The following C6orf58 variants were observed in gnomAD, a reference collection of about 807,000 sequenced individuals.
The protein encoded by C6orf58 is protein LEG1 homolog.
Under a neutral mutation model 37.0 loss-of-function variants are expected in C6orf58, and 30 were observed. The ratio of observed to expected loss-of-function variants is 0.81; its 90% CI spans 0.61 to 1.10. The LOEUF is 1.10. Ranked by LOEUF, C6orf58 falls within the 50% of genes least tolerant of loss-of-function variation. The pLI, the probability that C6orf58 is intolerant of heterozygous loss-of-function variation, is 0.00. For synonymous variants in C6orf58, 143 were observed against 134.1 expected (o/e 1.07, Z -0.46); for missense variants, 368 against 387.5 (o/e 0.95, Z 0.42).
In C6orf58 at chr6:127,591,646, A is replaced by G. The variant is rs984383950; in HGVS notation, c.*24A>G. ...GAAACATTTAACTTCAAACTTCAGGAAATGATTAATGAATTAAAAATGAAA... is the reference window on the plus strand; with the variant it reads ...GAAACATTTAACTTCAAACTTCAGGGAATGATTAATGAATTAAAAATGAAA... On this transcript the variant is annotated 3_prime_UTR_variant, in exon 6 of 6. Transcript: ENST00000329722. 3.4e-6 allele frequency: 5 copies of G among 1,477,682 alleles called. No individual in the cohort carries two copies. The highest frequency in any genetic ancestry group is 4.5e-6 in the Non-Finnish European group (5 of 1,117,080). The allele number at this position is 1,477,682 out of a possible 1,614,324, so 91.5% of individuals were successfully genotyped here.
Position 127,585,996 on chromosome 6 carries a change from A to G in C6orf58, c.675-4091A>G, listed in dbSNP as rs62437085. On this transcript the variant is annotated intron_variant, in intron 4 of 5. Coordinates refer to ENST00000329722, the MANE Select transcript of C6orf58 (RefSeq NM_001010905.3). ...GCACATTTTACCTGTCTACTTGCAT[A>G]TAGCTTTGTTTTCCTTATTTCTAGT... 6.3e-3 allele frequency among the ~76,000 whole-genome samples: 962 copies of G among 152,330 alleles called. 5 individuals carry two copies. Among genetic ancestry groups the G allele is most frequent in the Admixed American group, 0.01 (155 of 15,300 alleles).
chr6:127,582,588 C>G (rs768048438), intron 4 of C6orf58, among the ~76,000 whole-genome samples: 88 of 152,206 alleles, frequency 5.8e-4, no homozygotes, highest in South Asian at 4.1e-4. Flanking sequence ...GTAGCCTTTG[C>G]AGTAGAGTCA....
At chr6:127,589,128 G>A (rs976249390) in intron 4 of C6orf58, among the ~76,000 whole-genome samples, 11 of 151,996 alleles carry the variant, frequency 7.2e-5, no homozygotes, top group African/African-American at 2.2e-4. Context: ...TCAGATAATC[G>A]AATTTCTAGA....
intron 4 of C6orf58, among the ~76,000 whole-genome samples, chr6:127,585,694 T>A (rs1775099764): frequency 6.6e-6 from 1 of 152,232 alleles, no homozygotes; most frequent in African/African-American, 2.4e-5. Context: ...ATTCTAGTTT[T>A]GCATCAGTGT....
At chr6:127,579,705 T>C (rs998128579) in intron 2 of C6orf58, among the ~76,000 whole-genome samples, 9 of 152,128 alleles carry the variant, frequency 5.9e-5, no homozygotes, top group Admixed American at 2.0e-4. Flanking sequence ...AAAATAGTCA[T>C]GTTTGATTGT....
intron 3 of C6orf58, among the ~76,000 whole-genome samples, 161 bp from the exon 4 acceptor site, chr6:127,581,021 A>C (rs1775044323): frequency 6.6e-6 from 1 of 152,122 alleles, no homozygotes; most frequent in Non-Finnish European, 1.5e-5. Flanking sequence ...TGTGTTATTT[A>C]AAGAGTGTTA....
At chr6:127,583,090 C>G (rs1192417661) in intron 4 of C6orf58, among the ~76,000 whole-genome samples, 2 of 152,128 alleles carry the variant, frequency 1.3e-5, no homozygotes, top group African/African-American at 4.8e-5. Flanking sequence ...GAATTATCTT[C>G]CTTTTGTTTT....
chr6:127,585,025 T>C (rs1293481872), intron 4 of C6orf58, among the ~76,000 whole-genome samples: 1 of 152,168 alleles, frequency 6.6e-6, no homozygotes, highest in Non-Finnish European at 1.5e-5. Context: ...AATCAATCTC[T>C]TCCTAACAGT....
intron 4 of C6orf58, among the ~76,000 whole-genome samples, chr6:127,583,605 G>T (rs892399483): frequency 1.2e-4 from 18 of 152,046 alleles, no homozygotes; most frequent in African/African-American, 4.1e-4. Flanking sequence ...TGAGAAATGT[G>T]GATCCAAGAC....
intron 4 of C6orf58, among the ~76,000 whole-genome samples, chr6:127,585,485 T>TTA (rs1377595977): frequency 6.6e-5 from 10 of 152,142 alleles, no homozygotes; most frequent in African/African-American, 2.2e-4. Flanking sequence ...CCTTCGATCT[T>TTA]TTATAGAGAG....
Position 127,591,555 on chromosome 6 carries a change from C to A in C6orf58, c.926C>A (p.Thr309Lys). 6.6e-7 allele frequency: 1 copy of A among 1,520,266 alleles called. No individual in the cohort carries two copies. The highest frequency in any genetic ancestry group is 8.8e-7 in the Non-Finnish European group (1 of 1,142,714). 94.2% of individuals were successfully genotyped at this position (1,520,266 alleles called of 1,614,324 possible). A position where few individuals can be genotyped will look rare whatever the true frequency, so the allele number is the denominator to read the frequency against. The part of the protein sequence containing the change: ...NVDKSIGYLC[T>K]EKSNVYRDHS... Reference sequence around the variant, plus strand: ...GTATCTTTTACAGGTTATCTTTGTACAGAAAAATCTAATGTATATAGAGAT... The same window carrying A: ...GTATCTTTTACAGGTTATCTTTGTAAAGAAAAATCTAATGTATATAGAGAT... The change falls in exon 6 of 6, where the codon ACA (threonine) becomes AAA (lysine). Residue 309 changes from threonine (T) to lysine (K), a missense_variant. Physicochemically the swap from Thr to Lys is moderately conservative, Grantham distance 78 (BLOSUM62 -1). Transcript: ENST00000329722.
At position 127,577,359 on chromosome 6, in the gene C6orf58, T is replaced by C. The variant is rs753862731; in HGVS notation, c.174T>C (p.Leu58=). The C allele has an allele frequency of 1.9e-6, 3 of 1,613,456 alleles. No individual in the cohort carries two copies. The African/African-American group carries it at 4.0e-5, about 22-fold the overall frequency. ...SMYIINPWVY[L]ERMGMYKIIL... Reference sequence around the variant, plus strand: ...ACATTATTAATCCCTGGGTATACCTTGAGAGAATGGGGATGTATAAAATCA... The same window carrying C: ...ACATTATTAATCCCTGGGTATACCTCGAGAGAATGGGGATGTATAAAATCA... The change falls in exon 1 of 6, where the codon CTT becomes CTC. Residue 58 remains leucine, a synonymous_variant. Transcript: ENST00000329722.
chr6:127,584,882 T>A (rs1775091690), intron 4 of C6orf58, among the ~76,000 whole-genome samples: 1 of 152,150 alleles, frequency 6.6e-6, no homozygotes, highest in Admixed American at 6.5e-5. Flanking sequence ...GTCAACCTCA[T>A]GATATTTGTT....
chr6:127,577,780 C>G (rs1183611177), intron 1 of C6orf58, among the ~76,000 whole-genome samples: 1 of 152,038 alleles, frequency 6.6e-6, no homozygotes, highest in East Asian at 1.9e-4. Context: ...TGTTGAAGTT[C>G]TACTAAGTGC....
chr6:127,584,063 T>C (rs1775079034), intron 4 of C6orf58, among the ~76,000 whole-genome samples: 1 of 152,212 alleles, frequency 6.6e-6, no homozygotes, highest in African/African-American at 2.4e-5. Context: ...ACTTTTCTGA[T>C]AAAATGAGTG....
intron 4 of C6orf58, among the ~76,000 whole-genome samples, chr6:127,586,525 TG>T (rs1397780569): frequency 6.6e-6 from 1 of 150,986 alleles, no homozygotes; most frequent in African/African-American, 2.4e-5. Flanking sequence ...GCCCTGGGCA[TG>T]TTTCCTCATC....
chr6:127,581,258 A>G lies in C6orf58; in HGVS notation c.650A>G (p.Asp217Gly). The change falls in exon 4 of 6, where the codon GAT (aspartate) becomes GGT (glycine). Residue 217 changes from aspartate to glycine, a missense_variant. By Grantham distance (94) the Asp-to-Gly change is moderately conservative (BLOSUM62 -1). Coordinates refer to ENST00000329722, the MANE Select transcript of C6orf58 (RefSeq NM_001010905.3). ...LWAAHTSTLA[D>G]NIKSFEDRYD... ...GCTGCACACACTTCAACCTTGGCAG[A>G]TAATATCAAAAGTTTTGAAGACAGG... 1 of 1,521,236 alleles carries G rather than the reference A, an allele frequency of 6.6e-7. No individual in the cohort carries two copies. Among genetic ancestry groups the G allele is most frequent in the Admixed American group, 1.9e-5 (1 of 53,140 alleles). 94.2% of individuals were successfully genotyped at this position (1,521,236 alleles called of 1,614,324 possible). A position where few individuals can be genotyped will look rare whatever the true frequency, so the allele number is the denominator to read the frequency against.
chr6:127,589,035 G>A (rs1023706950), intron 4 of C6orf58, among the ~76,000 whole-genome samples: 2 of 152,124 alleles, frequency 1.3e-5, no homozygotes, highest in Non-Finnish European at 2.9e-5. Context: ...TCTGGGTTAT[G>A]TTATAGTTTA....
chr6:127,586,431 G>A lies in C6orf58; in HGVS notation c.675-3656G>A, dbSNP rs867229612. Among the ~76,000 whole-genome samples the A allele has an allele frequency of 2.0e-5, 3 of 152,024 alleles. No individual in the cohort carries two copies. In the South Asian group the frequency reaches 6.3e-4, roughly 32 times the overall value. On this transcript the variant is annotated intron_variant, in intron 4 of 5. Coordinates refer to ENST00000329722, the MANE Select transcript of C6orf58 (RefSeq NM_001010905.3). ...CAGGCCACCACTCGAGCTGAAGAGA[G>A]CAGGCTCCTCCCCTGTGTAAGGTGC...
Sources: gnomAD v4.1 joint callset for allele counts (sites outside exome capture counted in the v4.1 genomes callset) on GRCh38, gnomAD v4.1.1 for gene constraint, MANE v1.5 for transcripts, NCBI Gene and HGNC (gene_info 2026-07-23, HGNC 2026-07-21) for gene names.